The following RIMS2 variants were observed in gnomAD, a reference collection of about 807,000 sequenced individuals.
RIMS2 encodes the protein regulating synaptic membrane exocytosis 2.
RIMS2 carries 59 observed loss-of-function variants against 174.4 expected under a neutral mutation model. The ratio of observed to expected loss-of-function variants is 0.34; its 90% CI spans 0.27 to 0.42. RIMS2 has a LOEUF of 0.42. Ranked by LOEUF, RIMS2 falls within the 10% of genes least tolerant of loss-of-function variation. RIMS2 has a pLI of 1.00. For missense variants in RIMS2, 1,620 were observed against 1,666.3 expected, an observed-to-expected ratio of 0.97 and a Z score of 0.48; for synonymous variants, 606 against 572.5, an observed-to-expected ratio of 1.06 and a Z score of -0.84.
At chr8:103,775,167 C>A (rs950395949) in intron 3 of RIMS2, among the ~76,000 whole-genome samples, 3 of 152,036 alleles carry the variant, frequency 2.0e-5, no homozygotes, top group African/African-American at 7.2e-5. Context: ...GGTTTAAGGA[C>A]TATCTAGGTA....
chr8:104,021,469 G>C (rs2096086083), intron 19 of RIMS2, among the ~76,000 whole-genome samples: 1 of 152,100 alleles, frequency 6.6e-6, no homozygotes, highest in African/African-American at 2.4e-5. Context: ...TTAAATATAT[G>C]TCGGCAATCT....
chr8:103,787,864 G>GC (rs1220341922), intron 3 of RIMS2, among the ~76,000 whole-genome samples: 4 of 152,116 alleles, frequency 2.6e-5, no homozygotes, highest in African/African-American at 9.7e-5. Context: ...CCTGCAGAGT[G>GC]TTTTCCAACT....
chr8:103,967,948 C>T (rs2092328920), intron 15 of RIMS2, among the ~76,000 whole-genome samples: 1 of 150,398 alleles, frequency 6.6e-6, no homozygotes, highest in Non-Finnish European at 1.5e-5. Flanking sequence ...GCAGACTCCA[C>T]CTCCTGGGTT....
chr8:103,538,617 C>T (rs763176165), intron 1 of RIMS2, among the ~76,000 whole-genome samples: 48 of 152,138 alleles, frequency 3.2e-4, no homozygotes, highest in Non-Finnish European at 6.2e-4. Flanking sequence ...CCTGGGTTCA[C>T]GCCATTCTCC....
intron 19 of RIMS2, among the ~76,000 whole-genome samples, chr8:104,154,957 A>C (rs578190039): frequency 5.7e-5 from 6 of 104,648 alleles, no homozygotes; most frequent in African/African-American, 2.2e-4. Flanking sequence ...GAAATAGTAG[A>C]GTTTACTTTT....
At chr8:103,512,525 A>C (rs953644847) in intron 1 of RIMS2, among the ~76,000 whole-genome samples, 1 of 152,124 alleles carries the variant, frequency 6.6e-6, no homozygotes, top group Non-Finnish European at 1.5e-5. Context: ...CTGAAAAGGG[A>C]GGCTGCAGTG....
intron 6 of RIMS2, among the ~76,000 whole-genome samples, chr8:103,915,174 G>T (rs1323032262): frequency 6.6e-6 from 1 of 151,940 alleles, no homozygotes. Context: ...TAATGATACT[G>T]TAAAATGTTT....
intron 19 of RIMS2, among the ~76,000 whole-genome samples, chr8:104,233,580 C>T (rs2099242900): frequency 2.6e-5 from 4 of 152,148 alleles, no homozygotes; most frequent in African/African-American, 2.4e-5. Context: ...GGTGTTTCTT[C>T]GTTGTTTATT....
Position 103,788,608 on chromosome 8 carries a change from C to T in RIMS2, c.698+22071C>T, listed in dbSNP as rs1278344188. On this transcript the variant is annotated intron_variant, in intron 3 of 23. Transcript: ENST00000504942. The stretch of plus-strand genomic sequence containing the variant: ...GGGGGTCAGGGGTCAGGGACCCACT[C>T]GAGGAGACAGTTTGCCCGTTCTCAG... 2.4e-4 allele frequency among the ~76,000 whole-genome samples: 37 copies of T among 151,642 alleles called. No homozygotes were observed. The South Asian group carries it at 4.0e-3, about 16-fold the overall frequency.
chr8:104,124,081 T>A (rs1304901856), intron 19 of RIMS2, among the ~76,000 whole-genome samples: 1 of 151,954 alleles, frequency 6.6e-6, no homozygotes, highest in Non-Finnish European at 1.5e-5. Flanking sequence ...CAGTGCAAAA[T>A]TTTTTTTAAT....
intron 3 of RIMS2, among the ~76,000 whole-genome samples, chr8:103,799,653 G>A (rs545175757): frequency 5.0e-4 from 76 of 152,260 alleles, no homozygotes; most frequent in South Asian, 4.8e-3. Context: ...CAGTCTGGTG[G>A]ATATGAGGGG....
chr8:103,588,000 G>A (rs190925583), intron 1 of RIMS2, among the ~76,000 whole-genome samples: 42 of 151,952 alleles, frequency 2.8e-4, no homozygotes, highest in Non-Finnish European at 5.7e-4. Flanking sequence ...CTTATATTTG[G>A]AAAAACCTAA....
intron 2 of RIMS2, among the ~76,000 whole-genome samples, chr8:103,732,056 G>A (rs2097604038): frequency 6.6e-6 from 1 of 152,156 alleles, no homozygotes; most frequent in African/African-American, 2.4e-5. Flanking sequence ...GTCTGGGGTT[G>A]TTTGTACTTG....
chr8:103,600,158 T>A (rs761220392), intron 1 of RIMS2, among the ~76,000 whole-genome samples: 1 of 152,190 alleles, frequency 6.6e-6, no homozygotes, highest in Non-Finnish European at 1.5e-5. Context: ...TGTTTGTCTT[T>A]CCGTGCCTGT....
intron 1 of RIMS2, among the ~76,000 whole-genome samples, chr8:103,563,022 G>A (rs2091839644): frequency 6.6e-6 from 1 of 152,142 alleles, no homozygotes. Context: ...ACTGAAGGGG[G>A]ACCAAGGGCC....
intron 1 of RIMS2, among the ~76,000 whole-genome samples, chr8:103,562,697 AG>A (rs2091779623): frequency 6.6e-6 from 1 of 152,150 alleles, no homozygotes; most frequent in South Asian, 2.1e-4. Context: ...GTGCCTCAAT[AG>A]GGACACTGTG....
intron 1 of RIMS2, among the ~76,000 whole-genome samples, chr8:103,591,907 G>A (rs1162952729): frequency 2.0e-5 from 3 of 151,114 alleles, no homozygotes; most frequent in Admixed American, 2.0e-4. Context: ...ATAAAGTTAA[G>A]AAAGAATCAG....
intron 3 of RIMS2, among the ~76,000 whole-genome samples, chr8:103,821,731 T>C (rs545330921): frequency 1.3e-5 from 2 of 151,684 alleles, no homozygotes; most frequent in African/African-American, 4.8e-5. Flanking sequence ...TAAATGCCTA[T>C]GCATCCTGCA....
intron 4 of RIMS2, among the ~76,000 whole-genome samples, chr8:103,901,232 G>A (rs772420366): frequency 1.3e-5 from 2 of 152,142 alleles, no homozygotes; most frequent in African/African-American, 4.8e-5. Flanking sequence ...GCTGGTGTCT[G>A]CCTCAGCAGT....
Sources: allele counts gnomAD v4.1 joint callset (sites outside exome capture counted in the v4.1 genomes callset), GRCh38; gene constraint gnomAD v4.1.1; transcripts MANE v1.5; gene names NCBI Gene and HGNC (gene_info 2026-07-23, HGNC 2026-07-21).